Variants in GDAP2 observed in about 807,000 individuals in gnomAD.
GDAP2 encodes ganglioside-induced differentiation-associated protein 2.
In GDAP2, 51 loss-of-function variants were observed where a neutral mutation model predicts 67.0. The ratio of observed to expected loss-of-function variants is 0.76; its 90% CI spans 0.61 to 0.96. The LOEUF (loss-of-function observed/expected upper bound fraction) is 0.96. Among genes scored for constraint, GDAP2 ranks in the 40% least tolerant of loss-of-function variants. The pLI is 0.00. For missense variants in GDAP2, 547 were observed against 588.3 expected, an observed-to-expected ratio of 0.93 and a Z score of 0.73; for synonymous variants, 203 against 207.3, an observed-to-expected ratio of 0.98 and a Z score of 0.18.
At chr1:117,911,954 T>C in intron 5 of GDAP2, 40 bp downstream of exon 5, 9 of 1,200,698 alleles carry the variant, frequency 7.5e-6, no homozygotes, top group Non-Finnish European at 1.1e-5. Flanking sequence ...AAAAAATTTT[T>C]AAGATTCAAT....
At chr1:117,883,445 G>T (rs369029316) in intron 11 of GDAP2, 43 bp downstream of exon 11, 93 of 1,460,210 alleles carry the variant, frequency 6.4e-5, no homozygotes, top group Non-Finnish European at 8.6e-5. Flanking sequence ...TATTAGAAAA[G>T]AAAGAAACTA....
chr1:117,891,378 CA>C (rs1402675231), intron 8 of GDAP2, among the ~76,000 whole-genome samples: 1 of 151,724 alleles, frequency 6.6e-6, no homozygotes, highest in Non-Finnish European at 1.5e-5. Flanking sequence ...AGCATTGCAC[CA>C]AATTATACTT....
intron 10 of GDAP2, among the ~76,000 whole-genome samples, chr1:117,885,034 A>G (rs1287883904): frequency 1.3e-5 from 2 of 151,874 alleles, no homozygotes. Flanking sequence ...TTCGGACAAA[A>G]TAGATAGGAG....
intron 6 of GDAP2, among the ~76,000 whole-genome samples, chr1:117,902,648 T>A (rs1649520204): frequency 6.6e-6 from 1 of 152,174 alleles, no homozygotes; most frequent in South Asian, 2.1e-4. Flanking sequence ...AGTACCACAG[T>A]CTTGATTACT....
At chr1:117,894,231 C>A (rs1050366817) in intron 8 of GDAP2, among the ~76,000 whole-genome samples, 3 of 152,006 alleles carry the variant, frequency 2.0e-5, no homozygotes, top group Admixed American at 6.6e-5. Context: ...TCTCCACCAC[C>A]TCCTGGGCTC....
At chr1:117,880,027 T>C (rs1648597602) in intron 12 of GDAP2, among the ~76,000 whole-genome samples, 1 of 151,554 alleles carries the variant, frequency 6.6e-6, no homozygotes, top group Non-Finnish European at 1.5e-5. Flanking sequence ...AAATACAAAA[T>C]AAAAAAAATT....
intron 3 of GDAP2, among the ~76,000 whole-genome samples, chr1:117,916,214 A>C (rs1217724524): frequency 6.6e-6 from 1 of 152,236 alleles, no homozygotes. Flanking sequence ...AGTAAAAAGA[A>C]ATAGTGCTTT....
intron 1 of GDAP2, among the ~76,000 whole-genome samples, chr1:117,925,800 G>A (rs1571000388): frequency 6.6e-6 from 1 of 152,282 alleles, no homozygotes; most frequent in East Asian, 1.9e-4. Context: ...CATTCAATGA[G>A]ATAACTGGTG....
chr1:117,903,513 A>G (rs567371284), intron 6 of GDAP2, among the ~76,000 whole-genome samples: 12 of 152,026 alleles, frequency 7.9e-5, no homozygotes, highest in Non-Finnish European at 1.6e-4. Context: ...GTTCTTTTCT[A>G]CATCTATTCA....
intron 12 of GDAP2, among the ~76,000 whole-genome samples, chr1:117,878,901 T>C (rs1162326657): frequency 2.0e-5 from 3 of 152,232 alleles, no homozygotes; most frequent in African/African-American, 4.8e-5. Flanking sequence ...AATAGTCCTA[T>C]GAGGCAGGTA....
At chr1:117,902,555 AG>A (rs1176745976) in intron 6 of GDAP2, among the ~76,000 whole-genome samples, 3 of 152,178 alleles carry the variant, frequency 2.0e-5, no homozygotes, top group Non-Finnish European at 4.4e-5. Context: ...TTCGTTGAAA[AG>A]GCTATTCTTT....
In GDAP2 at chr1:117,883,621, A is replaced by C. The variant is rs1648747091; in HGVS notation, c.1114T>G (p.Leu372Val). The change falls in exon 11 of 14, where the codon TTA (leucine) becomes GTA (valine). Residue 372 changes from leucine (L) to valine (V), a missense_variant. Physicochemically the swap from Leu to Val is conservative, Grantham distance 32. Coordinates refer to ENST00000369443, the MANE Select transcript of GDAP2 (RefSeq NM_017686.4). ...TGATCCATTACATGAATGAAATATA[A>C]GAGAGCCTAAAAGATAAAAGGGGAA... ...VTLIDMDKAL[L>V]YFIHVMDHIA... 3 of 1,600,638 alleles carry C rather than the reference A, an allele frequency of 1.9e-6. No homozygotes were observed. The highest frequency in any genetic ancestry group is 1.7e-4 in the Middle Eastern group (1 of 6,034).
chr1:117,900,018 A>C (rs1382204478), intron 6 of GDAP2, among the ~76,000 whole-genome samples: 3 of 152,186 alleles, frequency 2.0e-5, no homozygotes, highest in African/African-American at 7.2e-5. Context: ...TTTTAAATAC[A>C]TATATAAGAT....
intron 2 of GDAP2, among the ~76,000 whole-genome samples, chr1:117,919,370 C>CAA (rs533363950): frequency 1.1e-4 from 10 of 94,438 alleles, no homozygotes; most frequent in African/African-American, 2.2e-4. Context: ...CAAGACTCCT[C>CAA]AAAAAAAAAA....
At chr1:117,911,092 A>G (rs1316454440) in intron 5 of GDAP2, among the ~76,000 whole-genome samples, 1 of 152,212 alleles carries the variant, frequency 6.6e-6, no homozygotes, top group East Asian at 1.9e-4. Flanking sequence ...TGCTAAAAGC[A>G]TGCTCTTCTT....
chr1:117,912,137 C>G, intron 4 of GDAP2, 55 bp from the exon 5 acceptor site: 1 of 976,722 alleles, frequency 1.0e-6, no homozygotes, highest in Non-Finnish European at 1.7e-6. Context: ...AATACATACA[C>G]AACAATATAT....
intron 13 of GDAP2, chr1:117,877,438 AAC>A (rs1648502202): frequency 1.0e-6 from 1 of 977,146 alleles, no homozygotes; most frequent in South Asian, 4.7e-5. Flanking sequence ...ATCATGAATA[AAC>A]ACAATAGAAT....
At chr1:117,896,420 G>C (rs1037823180) in intron 8 of GDAP2, among the ~76,000 whole-genome samples, 1 of 152,222 alleles carries the variant, frequency 6.6e-6, no homozygotes, top group Non-Finnish European at 1.5e-5. Context: ...CTTCGGATAA[G>C]TCAGGGAGAA....
chr1:117,897,863 C>A (rs1175854350), intron 7 of GDAP2, among the ~76,000 whole-genome samples: 1 of 152,126 alleles, frequency 6.6e-6, no homozygotes, highest in Admixed American at 6.5e-5. Context: ...TTAAAAACAC[C>A]CCTCAAGTAA....
Sources: gnomAD v4.1 joint callset for allele counts (sites outside exome capture counted in the v4.1 genomes callset) on GRCh38, gnomAD v4.1.1 for gene constraint, MANE v1.5 for transcripts, NCBI Gene and HGNC (gene_info 2026-07-23, HGNC 2026-07-21) for gene names.